Variants in GNG4 observed in about 807,000 individuals in gnomAD.
The protein encoded by GNG4 is guanine nucleotide-binding protein G(I)/G(S)/G(O) subunit gamma-4.
GNG4 carries 4 observed loss-of-function variants against 5.8 expected under a neutral mutation model. That is an observed-to-expected ratio of 0.69 (90% CI 0.34 to 1.57). The LOEUF is 1.57. Ranked by LOEUF, GNG4 falls within the 40% of genes most tolerant of loss-of-function variation. The pLI is 0.06. For synonymous variants in GNG4, 29 were observed against 32.9 expected (o/e 0.88, Z 0.41); for missense variants, 96 against 95.1 (o/e 1.01, Z -0.04).
intron 1 of GNG4, among the ~76,000 whole-genome samples, chr1:235,614,056 G>A (rs1025477570): frequency 6.6e-6 from 1 of 152,112 alleles, no homozygotes; most frequent in African/African-American, 2.4e-5. Flanking sequence ...CAAGTGATCT[G>A]CCTGCCTCAG....
At chr1:235,594,179 C>T (rs543811573) in intron 2 of GNG4, among the ~76,000 whole-genome samples, 5 of 152,232 alleles carry the variant, frequency 3.3e-5, no homozygotes, top group East Asian at 1.9e-4. Context: ...TCCCCACCAG[C>T]GTAGCTAGAT....
At chr1:235,570,554 G>T (rs1687307544) in intron 3 of GNG4, among the ~76,000 whole-genome samples, 1 of 151,678 alleles carries the variant, frequency 6.6e-6, no homozygotes, top group South Asian at 2.1e-4. Flanking sequence ...CCGCCATCAT[G>T]CCCAGCTAAT....
chr1:235,620,673 C>T lies in GNG4; in HGVS notation c.-122-25162G>A, dbSNP rs187068013. 1.7e-3 allele frequency among the ~76,000 whole-genome samples: 263 copies of T among 152,192 alleles called. 1 individual carries two copies. In the Middle Eastern group the frequency reaches 0.037, roughly 22 times the overall value. ...GCCTCAGCCTCCCATGTAGCTGGGA[C>T]TACAGGTGCCCGCCACCACGCCCAG... On this transcript the variant is annotated intron_variant, in intron 1 of 3. Transcript: ENST00000391854.
chr1:235,562,671 AAG>A (rs1553364219), intron 3 of GNG4, among the ~76,000 whole-genome samples: 8 of 147,508 alleles, frequency 5.4e-5, no homozygotes, highest in Non-Finnish European at 9.0e-5. Flanking sequence ...AAAAAAAAAA[AAG>A]AAAAAAAAAA....
rs1424275680 is a variant in GNG4 at position 235,595,503 on chromosome 1, T to C, written c.-114A>G. 2.0e-5 allele frequency: 3 copies of C among 152,240 alleles called. No individual in the cohort carries two copies. The highest frequency in any genetic ancestry group is 6.5e-5 in the Admixed American group (1 of 15,282). The allele number at this position is 152,240 out of a possible 1,614,324, so 9.4% of individuals were successfully genotyped here. A position where few individuals can be genotyped will look rare whatever the true frequency, so the allele number is the denominator to read the frequency against. On this transcript the variant is annotated 5_prime_UTR_variant, in exon 2 of 4. Transcript: ENST00000391854. The stretch of plus-strand genomic sequence containing the variant: ...AGAGGTGAATTCAGAGCTTCTGCTT[T>C]GAGGTCACCTGAAAGCACAACCAGA...
At chr1:235,564,411 T>G (rs1256662008) in intron 3 of GNG4, among the ~76,000 whole-genome samples, 1 of 152,172 alleles carries the variant, frequency 6.6e-6, no homozygotes, top group African/African-American at 2.4e-5. Context: ...AACTTGCACA[T>G]GTACCCCTTG....
intron 1 of GNG4, among the ~76,000 whole-genome samples, chr1:235,616,750 G>A (rs1194230175): frequency 3.3e-5 from 5 of 151,802 alleles, no homozygotes; most frequent in South Asian, 2.1e-4. Context: ...GTGTGCGCGC[G>A]TGTTTTGAGA....
intron 1 of GNG4, among the ~76,000 whole-genome samples, chr1:235,629,600 CT>C (rs569494929): frequency 0.029 from 3,977 of 138,806 alleles, 151 homozygotes; most frequent in African/African-American, 0.092. Flanking sequence ...TTCTTTCTTT[CT>C]TTTTTTTTTT....
chr1:235,640,711 C>T (rs1003014847), intron 1 of GNG4, among the ~76,000 whole-genome samples: 3 of 152,236 alleles, frequency 2.0e-5, no homozygotes, highest in Admixed American at 6.5e-5. Flanking sequence ...ACCAGACCTT[C>T]GGACCTGAGG....
rs75745477 is a variant in GNG4, at chr1:235,616,452, C to T, written c.-122-20941G>A. On this transcript the variant is annotated intron_variant, in intron 1 of 3. Coordinates refer to ENST00000391854, the MANE Select transcript of GNG4 (RefSeq NM_001098722.2). Reference sequence around the variant, plus strand: ...AAGTCAGGCCCTGGGCTGCCCGATCCCTGGCCTGAGGACTCGCCATCCACA... The same window carrying T: ...AAGTCAGGCCCTGGGCTGCCCGATCTCTGGCCTGAGGACTCGCCATCCACA... The T allele has an allele frequency of 6.4e-4, 160 of 248,166 alleles. 12 individuals are homozygous for T. The East Asian group carries it at 0.019, about 30-fold the overall frequency. The allele number at this position is 248,166 out of a possible 1,614,324, so 15.4% of individuals were successfully genotyped here.
At chr1:235,593,325 T>G (rs145506266) in intron 2 of GNG4, among the ~76,000 whole-genome samples, 1 of 152,210 alleles carries the variant, frequency 6.6e-6, no homozygotes, top group Admixed American at 6.5e-5. Context: ...GGGAGACCAA[T>G]GCAAGGCGGT....
At chr1:235,633,253 G>T (rs1688970238) in intron 1 of GNG4, among the ~76,000 whole-genome samples, 1 of 152,192 alleles carries the variant, frequency 6.6e-6, no homozygotes, top group African/African-American at 2.4e-5. Context: ...AGCAGAGCTG[G>T]TGGTATGAAT....
intron 1 of GNG4, among the ~76,000 whole-genome samples, chr1:235,634,640 G>A (rs1196324086): frequency 2.0e-5 from 3 of 152,204 alleles, no homozygotes; most frequent in Non-Finnish European, 4.4e-5. Flanking sequence ...GGACCCCACA[G>A]TAAGGCTGCC....
At chr1:235,624,299 TG>T (rs1428312860) in intron 1 of GNG4, among the ~76,000 whole-genome samples, 2 of 150,894 alleles carry the variant, frequency 1.3e-5, no homozygotes, top group Non-Finnish European at 3.0e-5. Flanking sequence ...TTAGTAGAGA[TG>T]GGGGTTTCAC....
At chr1:235,629,348 C>T (rs1688888242) in intron 1 of GNG4, among the ~76,000 whole-genome samples, 3 of 152,018 alleles carry the variant, frequency 2.0e-5, no homozygotes, top group Admixed American at 6.6e-5. Flanking sequence ...AATGCAATTA[C>T]AAGAAGCAAA....
intron 3 of GNG4, among the ~76,000 whole-genome samples, chr1:235,558,642 C>T (rs1686980739): frequency 6.6e-6 from 1 of 152,158 alleles, no homozygotes; most frequent in Non-Finnish European, 1.5e-5. Flanking sequence ...AACGCCAGAT[C>T]CCATTAAACA....
chr1:235,556,688 G>A (rs1357789267), intron 3 of GNG4, among the ~76,000 whole-genome samples: 1 of 152,048 alleles, frequency 6.6e-6, no homozygotes, highest in Non-Finnish European at 1.5e-5. Flanking sequence ...ACTGGGGGTG[G>A]GGGGATGGTT....
intron 3 of GNG4, among the ~76,000 whole-genome samples, chr1:235,569,058 C>T (rs1687272713): frequency 6.6e-6 from 1 of 152,124 alleles, no homozygotes; most frequent in Non-Finnish European, 1.5e-5. Context: ...AACTTCTGAC[C>T]TCTTCTGATC....
rs777261483 is a variant in GNG4, at chr1:235,613,028, C to T, written c.-122-17517G>A. On this transcript the variant is annotated intron_variant, in intron 1 of 3. Transcript: ENST00000391854. ...AGGGCACAAGTCCAATTCATGAGGGCTCTGCCCCCATGATCTAATCACCTC... is the reference window on the plus strand; with the variant it reads ...AGGGCACAAGTCCAATTCATGAGGGTTCTGCCCCCATGATCTAATCACCTC... Among the ~76,000 whole-genome samples the T allele has an allele frequency of 1.2e-4, 18 of 151,914 alleles. 2 individuals are homozygous for T. Among genetic ancestry groups the T allele is most frequent in the Admixed American group, 6.6e-4 (10 of 15,244 alleles).
Sources: gnomAD v4.1 joint callset for allele counts (sites outside exome capture counted in the v4.1 genomes callset) on GRCh38, gnomAD v4.1.1 for gene constraint, MANE v1.5 for transcripts, NCBI Gene and HGNC (gene_info 2026-07-23, HGNC 2026-07-21) for gene names.